CASZ1: variants seen among roughly 807,000 people sequenced by gnomAD.
CASZ1 encodes the protein castor zinc finger 1.
In CASZ1, 28 loss-of-function variants were observed where a neutral mutation model predicts 135.2. The observed-to-expected ratio is 0.21, with a 90% CI of 0.15 to 0.28. The LOEUF (loss-of-function observed/expected upper bound fraction) is 0.28, where lower values mean the gene tolerates loss of function less well. Among genes scored for constraint, CASZ1 ranks in the 10% least tolerant of loss-of-function variants. The probability of loss-of-function intolerance (pLI) is 1.00; values close to 1 mark genes in which losing one functional copy is unlikely to be tolerated. For missense variants in CASZ1, 2,161 were observed against 2,453.3 expected, an observed-to-expected ratio of 0.88 and a Z score of 2.52; for synonymous variants, 1,068 against 1,073.4, an observed-to-expected ratio of 0.99 and a Z score of 0.10.
In CASZ1 at chr1:10,725,389, T is replaced by C. The variant is rs926438966; in HGVS notation, c.-76-19845A>G. 1.4e-5 allele frequency among the ~76,000 whole-genome samples: 2 copies of C among 142,044 alleles called. No homozygotes were observed. The highest frequency in any genetic ancestry group is 5.0e-5 in the African/African-American group (2 of 39,874). 93.2% of individuals were successfully genotyped at this position (142,044 alleles called of 152,430 possible). Reference sequence around the variant, plus strand: ...CAGGCTCCTCTCAAGTACTGAGCCATATGGTTCCAGTTAAGCTCCATATTT... The same window carrying C: ...CAGGCTCCTCTCAAGTACTGAGCCACATGGTTCCAGTTAAGCTCCATATTT... On this transcript the variant is annotated intron_variant, in intron 2 of 20. Coordinates refer to ENST00000377022, the MANE Select transcript of CASZ1 (RefSeq NM_001079843.3). The surrounding 1 kb of genome is among the most constrained non-coding windows in gnomAD (Gnocchi z 4.4).
rs1029573747 is a variant in CASZ1, at chr1:10,657,903, G to A, written c.1409+605C>T. 6.6e-6 allele frequency: 1 copy of A among 152,434 alleles called. No homozygotes were observed. The highest frequency in any genetic ancestry group is 2.4e-5 in the African/African-American group (1 of 41,428). 9.4% of individuals were successfully genotyped at this position (152,434 alleles called of 1,614,324 possible). A position where few individuals can be genotyped will look rare whatever the true frequency, so the allele number is the denominator to read the frequency against. ...TTTGGGATGGAAAGGGGTTGGTCTGGAGTCAGGTGGTGTCAGAGCCTCACT... is the reference window on the plus strand; with the variant it reads ...TTTGGGATGGAAAGGGGTTGGTCTGAAGTCAGGTGGTGTCAGAGCCTCACT... On this transcript the variant is annotated intron_variant, in intron 7 of 20. Coordinates refer to ENST00000377022, the MANE Select transcript of CASZ1 (RefSeq NM_001079843.3). The surrounding 1 kb of genome is among the most constrained non-coding windows in gnomAD (Gnocchi z 5.7).
At chr1:10,713,004 G>A (rs981843727) in intron 2 of CASZ1, among the ~76,000 whole-genome samples, 2 of 152,242 alleles carry the variant, frequency 1.3e-5, no homozygotes, top group African/African-American at 4.8e-5. Context: ...AGCCAGGCTC[G>A]TGGGGCAGCC....
Position 10,666,028 on chromosome 1 carries a change from G to A in CASZ1, c.17-457C>T, listed in dbSNP as rs796660541. Among the ~76,000 whole-genome samples, 12 of 152,242 alleles carry A rather than the reference G, an allele frequency of 7.9e-5. No homozygotes were observed. The highest frequency in any genetic ancestry group is 2.4e-4 in the African/African-American group (10 of 41,548). On this transcript the variant is annotated intron_variant, in intron 4 of 20. Transcript: ENST00000377022. The surrounding 1 kb of genome is among the most constrained non-coding windows in gnomAD (Gnocchi z 5.2). ...CGTGGCATTCCTGGCAGCTTGTTCCGCTTGGGAGCGTCCTGCCTTACCACA... is the reference window on the plus strand; with the variant it reads ...CGTGGCATTCCTGGCAGCTTGTTCCACTTGGGAGCGTCCTGCCTTACCACA...
At chr1:10,656,890 G>A (rs1642818300) in intron 7 of CASZ1, among the ~76,000 whole-genome samples, 154 bp from the exon 8 acceptor site, 1 of 152,158 alleles carries the variant, frequency 6.6e-6, no homozygotes, top group Non-Finnish European at 1.5e-5. Flanking sequence ...TGGGCCTGGC[G>A]GGAATCCCAG....
Position 10,646,316 on chromosome 1 carries a change from G to A in CASZ1, c.3508C>T (p.Leu1170Phe). The A allele has an allele frequency of 6.2e-7, 1 of 1,614,010 alleles. No individual in the cohort carries two copies. The highest frequency in any genetic ancestry group is 1.1e-5 in the South Asian group (1 of 91,072). ...TTGGCGTACTTGCAGTCCGTGGCGA[G>A]GCAAGGATCGCTGGAAGGAAACCAC... ...FLQFQENDPCLATDCKYANKF... is the reference protein window; with the variant it reads ...FLQFQENDPCFATDCKYANKF... The change falls in exon 17 of 21, where the codon CTC (leucine) becomes TTC (phenylalanine). Residue 1170 changes from leucine (L) to phenylalanine (F), a missense_variant. Around this residue, in one of 7 missense-constraint regions of CASZ1, gnomAD observed 349 missense variants for 460.8 expected, o/e 0.76. Coordinates refer to ENST00000377022, the MANE Select transcript of CASZ1 (RefSeq NM_001079843.3). This position sits in a 1 kb window ranked among gnomAD's most constrained non-coding sequence, Gnocchi z 6.4.
At chr1:10,795,939 T>G (rs535129429) in intron 1 of CASZ1, among the ~76,000 whole-genome samples, 7 of 152,014 alleles carry the variant, frequency 4.6e-5, no homozygotes, top group African/African-American at 1.7e-4. Context: ...AAGAGCCGGC[T>G]GGAGGGGTTC....
chr1:10,739,899 T>A lies in CASZ1; in HGVS notation c.-77+20802A>T, dbSNP rs368843330. ...GCTGGGATCCCAGACGAGTCCCTCC[T>A]GAAAGGGCGAAACTCAGTCGTTCAG... is the stretch of plus-strand genomic sequence containing the variant. On this transcript the variant is annotated intron_variant, in intron 2 of 20. Transcript: ENST00000377022. The surrounding 1 kb of genome is among the most constrained non-coding windows in gnomAD (Gnocchi z 4.8). 5.9e-5 allele frequency among the ~76,000 whole-genome samples: 9 copies of A among 152,308 alleles called. No homozygotes were observed. The South Asian group carries it at 1.7e-3, about 28-fold the overall frequency.
At chr1:10,667,330 C>T (rs1273450255) in intron 4 of CASZ1, among the ~76,000 whole-genome samples, 1 of 152,208 alleles carries the variant, frequency 6.6e-6, no homozygotes, top group Non-Finnish European at 1.5e-5. Flanking sequence ...AGGCCCACTG[C>T]CAGAGAAGGG....
intron 1 of CASZ1, among the ~76,000 whole-genome samples, chr1:10,783,791 G>A (rs569883420): frequency 3.3e-4 from 46 of 139,736 alleles, no homozygotes; most frequent in African/African-American, 1.2e-3. Flanking sequence ...AGAATTGCTT[G>A]AACCCGGGAG....
Position 10,643,246 on chromosome 1 carries a change from GGAA to G in CASZ1, c.3931_3933del (p.Phe1311del). On this transcript the variant is annotated inframe_deletion, in exon 19 of 21. Coordinates refer to ENST00000377022, the MANE Select transcript of CASZ1 (RefSeq NM_001079843.3). ...TGGGAGGTCATCTGGTGCTTGAGGA[GGAA>G]GGAGAACTGGCAGCCCTCCCGGATG... The G allele has an allele frequency of 2.5e-6, 4 of 1,613,208 alleles. No homozygotes were observed. Among genetic ancestry groups the G allele is most frequent in the Non-Finnish European group, 3.4e-6 (4 of 1,180,020 alleles).
At chr1:10,642,652 T>G (rs2124667682) in intron 20 of CASZ1, among the ~76,000 whole-genome samples, 1 of 152,060 alleles carries the variant, frequency 6.6e-6, no homozygotes, top group East Asian at 2.0e-4. Context: ...TCCCGGAAAC[T>G]GACGCAAAGG....
rs748638395 is a variant in CASZ1 at position 10,755,087 on chromosome 1, C to T, written c.-77+5614G>A. On this transcript the variant is annotated intron_variant, in intron 2 of 20. Coordinates refer to ENST00000377022, the MANE Select transcript of CASZ1 (RefSeq NM_001079843.3). This position sits in a 1 kb window ranked among gnomAD's most constrained non-coding sequence, Gnocchi z 4.3. ...GGTGGTGAGTGGAAGGGGAGCGACC[C>T]CCAGGCCTGAAGGGCAGAGAGCAAG... Among the ~76,000 whole-genome samples, 6 of 152,216 alleles carry T rather than the reference C, an allele frequency of 3.9e-5. No individual in the cohort carries two copies. Among genetic ancestry groups the T allele is most frequent in the Non-Finnish European group, 8.8e-5 (6 of 68,040 alleles).
At position 10,739,777 on chromosome 1, in the gene CASZ1, C is replaced by G. The variant is rs1376217670; in HGVS notation, c.-77+20924G>C. Among the ~76,000 whole-genome samples, 1 of 152,200 alleles carries G rather than the reference C, an allele frequency of 6.6e-6. No homozygotes were observed. Among genetic ancestry groups the G allele is most frequent in the Non-Finnish European group, 1.5e-5 (1 of 68,034 alleles). On this transcript the variant is annotated intron_variant, in intron 2 of 20. Coordinates refer to ENST00000377022, the MANE Select transcript of CASZ1 (RefSeq NM_001079843.3). This position sits in a 1 kb window ranked among gnomAD's most constrained non-coding sequence, Gnocchi z 4.8. Reference sequence around the variant, plus strand: ...TTCTGGTTCCCGATTAAACCTTGACCTCTCTAGCACATGCCTTTTGCCACC... The same window carrying G: ...TTCTGGTTCCCGATTAAACCTTGACGTCTCTAGCACATGCCTTTTGCCACC...
In CASZ1 at chr1:10,653,751, T is replaced by G; in HGVS notation, c.2306A>C (p.Asn769Thr). The change falls in exon 11 of 21, where the codon AAC becomes ACC. Residue 769 changes from asparagine to threonine, a missense_variant. Asn to Thr is a moderately conservative substitution (Grantham distance 65). This residue lies in a region of CASZ1 where 406 missense variants were observed against 387.6 expected (regional missense o/e 1.05). Coordinates refer to ENST00000377022, the MANE Select transcript of CASZ1 (RefSeq NM_001079843.3). ...GGGCAGCAGCCCCGAGATCTTGCTGTTGGGAGGTTTGGTGGCACTGGGCCC... is the reference window on the plus strand; with the variant it reads ...GGGCAGCAGCCCCGAGATCTTGCTGGTGGGAGGTTTGGTGGCACTGGGCCC... ...EAGPSATKPPNSKISGLLPQG... is the reference protein window; with the variant it reads ...EAGPSATKPPTSKISGLLPQG... 6.2e-7 allele frequency: 1 copy of G among 1,609,556 alleles called. No individual in the cohort carries two copies. The highest frequency in any genetic ancestry group is 2.2e-5 in the East Asian group (1 of 44,770).
At chr1:10,654,366 T>C (rs1642715888) in intron 10 of CASZ1, 53 bp downstream of exon 10, 1 of 1,595,780 alleles carries the variant, frequency 6.3e-7, no homozygotes. Context: ...CCTGGGTCCT[T>C]GCCTTCCCTC....
intron 1 of CASZ1, among the ~76,000 whole-genome samples, chr1:10,786,911 C>A (rs1640869467): frequency 6.6e-6 from 1 of 152,118 alleles, no homozygotes; most frequent in African/African-American, 2.4e-5. Flanking sequence ...GTAACCCCAG[C>A]ACCACCCGCG....
At chr1:10,683,491 A>C (rs954259480) in intron 4 of CASZ1, among the ~76,000 whole-genome samples, 8 of 152,208 alleles carry the variant, frequency 5.3e-5, no homozygotes, top group Non-Finnish European at 7.3e-5. Context: ...AGCTGAACTG[A>C]AAATGGTCTC....
rs1190191867 is a variant in CASZ1, at chr1:10,657,515, A to C, written c.1410-779T>G. 1.3e-5 allele frequency among the ~76,000 whole-genome samples: 2 copies of C among 152,172 alleles called. No homozygotes were observed. Among genetic ancestry groups the C allele is most frequent in the Non-Finnish European group, 1.5e-5 (1 of 68,032 alleles). On this transcript the variant is annotated intron_variant, in intron 7 of 20. Coordinates refer to ENST00000377022, the MANE Select transcript of CASZ1 (RefSeq NM_001079843.3). The surrounding 1 kb of genome is among the most constrained non-coding windows in gnomAD (Gnocchi z 5.7). ...ATGGGAAAACCACGTGCAAACAAATATTTAGGCTGAAGTGGCCAAAAGGGC... is the reference window on the plus strand; with the variant it reads ...ATGGGAAAACCACGTGCAAACAAATCTTTAGGCTGAAGTGGCCAAAAGGGC...
At chr1:10,693,536 GA>G (rs147127872) in intron 4 of CASZ1, among the ~76,000 whole-genome samples, 55,702 of 109,138 alleles carry the variant, frequency 0.51, 13,219 homozygotes, top group African/African-American at 0.68. Context: ...CACACACACA[GA>G]AAAAAAACAC....
Sources: allele counts gnomAD v4.1 joint callset (sites outside exome capture counted in the v4.1 genomes callset), GRCh38; gene constraint gnomAD v4.1.1; regional missense constraint gnomAD v4.1.1; non-coding constraint Gnocchi (gnomAD v3.1); transcripts MANE v1.5; gene names NCBI Gene and HGNC (gene_info 2026-07-23, HGNC 2026-07-21).